Variants in TSBP1 observed in about 807,000 individuals in gnomAD.
The protein encoded by TSBP1 is testis expressed basic protein 1.
In TSBP1, 56 loss-of-function variants were observed where a neutral mutation model predicts 68.8. The observed-to-expected ratio is 0.81, with a 90% CI of 0.66 to 1.02. TSBP1 has a LOEUF of 1.02. Ranked by LOEUF, TSBP1 falls within the 50% of genes least tolerant of loss-of-function variation. The pLI is 0.00. For synonymous variants in TSBP1, 171 were observed against 208.7 expected (o/e 0.82, Z 1.56); for missense variants, 502 against 641.2 (o/e 0.78, Z 2.34).
chr6:32,295,179 T>C (rs910533088), intron 22 of TSBP1, among the ~76,000 whole-genome samples: 1 of 151,558 alleles, frequency 6.6e-6, no homozygotes, highest in South Asian at 2.1e-4. Context: ...CTACTAAAAA[T>C]ACAAAAATTA....
At chr6:32,300,597 C>T (rs1260221747) in intron 21 of TSBP1, 83 bp downstream of exon 24, 5 of 1,215,184 alleles carry the variant, frequency 4.1e-6, no homozygotes, top group Admixed American at 1.7e-5. Flanking sequence ...TAGAGGAACT[C>T]GTAACACAAG....
At position 32,316,725 on chromosome 6, in the gene TSBP1, C is replaced by T. The variant is rs1169288080; in HGVS notation, c.560-933G>A. Among the ~76,000 whole-genome samples the T allele has an allele frequency of 2.0e-5, 3 of 152,122 alleles. No homozygotes were observed. Among genetic ancestry groups the T allele is most frequent in the Non-Finnish European group, 4.4e-5 (3 of 68,030 alleles). ...TTGAAATCATGTAAATGTAAGCTTC[C>T]TTCTCAGGGAGAAGCTAGATTAGCA... On this transcript the variant is annotated intron_variant, in intron 18 of 22. Coordinates refer to ENST00000612031, the Ensembl canonical transcript of TSBP1. This position sits in a 1 kb window ranked among gnomAD's most constrained non-coding sequence, Gnocchi z 4.5.
chr6:32,299,846 G>A, intron 22 of TSBP1, 76 bp downstream of exon 25: 1 of 1,206,078 alleles, frequency 8.3e-7, no homozygotes, highest in East Asian at 2.3e-5. Flanking sequence ...TCTATTTTGG[G>A]AGTAGAAACA....
In TSBP1 at chr6:32,343,365, C is replaced by G. The variant is rs971135915; in HGVS notation, c.350-3727G>C. ...GTCCTCCCTCAGGTTATTAGACTTT[C>G]CATTCCCCTGTAGGTAGGCTCATAA... is the stretch of plus-strand genomic sequence containing the variant. On this transcript the variant is annotated intron_variant, in intron 9 of 22. Transcript: ENST00000612031. This position sits in a 1 kb window ranked among gnomAD's most constrained non-coding sequence, Gnocchi z 4.3. 1.6e-6 allele frequency: 1 copy of G among 607,462 alleles called. No individual in the cohort carries two copies. The highest frequency in any genetic ancestry group is 2.6e-6 in the Non-Finnish European group (1 of 388,028). 37.6% of individuals were successfully genotyped at this position (607,462 alleles called of 1,614,324 possible). A position where few individuals can be genotyped will look rare whatever the true frequency, so the allele number is the denominator to read the frequency against.
Position 32,325,884 on chromosome 6 carries a change from T to G in TSBP1, c.515-2270A>C. 4 of 1,492,678 alleles carry G rather than the reference T, an allele frequency of 2.7e-6. No homozygotes were observed. The highest frequency in any genetic ancestry group is 3.7e-6 in the Non-Finnish European group (4 of 1,084,508). 92.5% of individuals were successfully genotyped at this position (1,492,678 alleles called of 1,614,324 possible). On this transcript the variant is annotated intron_variant, in intron 16 of 22. Coordinates refer to ENST00000612031, the Ensembl canonical transcript of TSBP1. The surrounding 1 kb of genome is among the most constrained non-coding windows in gnomAD (Gnocchi z 4.4). ...ACTTTGATCATGGAGGAAACTTCAG[T>G]GGTTGTGGTGGCTTTGGTGGCAGCT...
At chr6:32,322,490 G>A (rs765224665) in intron 18 of TSBP1, 12 of 1,603,134 alleles carry the variant, frequency 7.5e-6, no homozygotes, top group African/African-American at 1.3e-5. Flanking sequence ...ACTTACTTGC[G>A]GTTCTCTGTG....
intron 19 of TSBP1, among the ~76,000 whole-genome samples, chr6:32,311,572 T>C (rs949570118): frequency 3.9e-5 from 6 of 152,166 alleles, no homozygotes; most frequent in Admixed American, 3.3e-4. Context: ...TCGCCGGCCT[T>C]GACATGATGG....
chr6:32,346,277 AGTGCTGGG>A, intron 9 of TSBP1, among the ~76,000 whole-genome samples: 2 of 9,362 alleles, frequency 2.1e-4, no homozygotes, highest in African/African-American at 2.8e-4. Flanking sequence ...GGCCTCCCAA[AGTGCTGGG>A]ATTACAGGCG....
chr6:32,297,735 T>C (rs1373263096), intron 22 of TSBP1, among the ~76,000 whole-genome samples: 2 of 152,178 alleles, frequency 1.3e-5, no homozygotes, highest in Non-Finnish European at 2.9e-5. Flanking sequence ...TCTTTGAACA[T>C]TGACTTAAAC....
chr6:32,301,025 C>A (rs1395529618), intron 20 of TSBP1, among the ~76,000 whole-genome samples: 1 of 143,892 alleles, frequency 6.9e-6, no homozygotes, highest in African/African-American at 2.6e-5. Flanking sequence ...GACATTGATA[C>A]GAATTTTTTT....
At chr6:32,367,827 G>T in intron 4 of TSBP1, 98 bp downstream of exon 4, 1 of 863,456 alleles carries the variant, frequency 1.2e-6, no homozygotes, top group Non-Finnish European at 1.8e-6. Context: ...CGAAAGATAT[G>T]CTGACTCAAC....
intron 16 of TSBP1, chr6:32,324,514 C>T (rs998920471): frequency 2.9e-6 from 3 of 1,040,888 alleles, no homozygotes; most frequent in Non-Finnish European, 4.4e-6. Context: ...ATGAATAATG[C>T]AGAGAGGTTT....
intron 1 of TSBP1, among the ~76,000 whole-genome samples, chr6:32,371,178 A>T (rs11964105): frequency 0.087 from 6,266 of 71,642 alleles, 366 homozygotes; most frequent in African/African-American, 0.2. Context: ...CTATTATGTG[A>T]ATTTTTTTTT....
rs187186057 is a variant in TSBP1, at chr6:32,328,864, C to T, written c.514+1725G>A. On this transcript the variant is annotated intron_variant, in intron 16 of 22. Coordinates refer to ENST00000612031, the Ensembl canonical transcript of TSBP1. ...CCATGCCTGGCCCTGGCCTCATTTT[C>T]TTTAGTCACTCTTGTTCACTAACCT... Among the ~76,000 whole-genome samples the T allele has an allele frequency of 6.7e-3, 1,017 of 152,212 alleles. 18 individuals carry two copies. The highest frequency in any genetic ancestry group is 0.02 in the East Asian group (101 of 5,172).
At chr6:32,303,148 C>T (rs1765467113) in intron 19 of TSBP1, among the ~76,000 whole-genome samples, 10 of 152,080 alleles carry the variant, frequency 6.6e-5, no homozygotes, top group Admixed American at 6.6e-4. Flanking sequence ...GGGTGGTTTA[C>T]TTGTTGTCTT....
rs1554185882 is a variant in TSBP1, at chr6:32,301,962, C to CATAATA, written c.601+646_601+647insTATTAT. Reference sequence around the variant, plus strand: ...TTTTACATATTTAAATAGTTGAAATCATCATCATAATAATAATAATAATAA... The same window carrying CATAATA: ...TTTTACATATTTAAATAGTTGAAATCATAATAATCATCATAATAATAATAATAATAA... On this transcript the variant is annotated intron_variant, in intron 20 of 22. Transcript: ENST00000612031. Among the ~76,000 whole-genome samples, 1,283 of 135,436 alleles carry CATAATA rather than the reference C, an allele frequency of 9.5e-3. 13 individuals carry two copies. The highest frequency in any genetic ancestry group is 0.027 in the African/African-American group (912 of 33,626). 88.9% of individuals were successfully genotyped at this position (135,436 alleles called of 152,430 possible). A position where few individuals can be genotyped will look rare whatever the true frequency, so the allele number is the denominator to read the frequency against.
chr6:32,313,688 A>C lies in TSBP1; in HGVS notation c.580+2084T>G, dbSNP rs144094035. 1.3e-3 allele frequency among the ~76,000 whole-genome samples: 192 copies of C among 150,234 alleles called. 2 individuals are homozygous for C. The highest frequency in any genetic ancestry group is 4.0e-3 in the Admixed American group (61 of 15,134). Reference sequence around the variant, plus strand: ...ATGATATAAATACCCTGGGTTGTGGATCCCTTCTTGGTGGCTATTGTCCTA... The same window carrying C: ...ATGATATAAATACCCTGGGTTGTGGCTCCCTTCTTGGTGGCTATTGTCCTA... On this transcript the variant is annotated intron_variant, in intron 19 of 22. Coordinates refer to ENST00000612031, the Ensembl canonical transcript of TSBP1.
At chr6:32,341,424 G>T (rs1770337231) in intron 9 of TSBP1, among the ~76,000 whole-genome samples, 1 of 152,118 alleles carries the variant, frequency 6.6e-6, no homozygotes, top group Non-Finnish European at 1.5e-5. Flanking sequence ...TCTCATGATT[G>T]TGAATCTGCT....
Position 32,325,117 on chromosome 6 carries a change from G to C in TSBP1, c.515-1503C>G, listed in dbSNP as rs1768076303. The C allele has an allele frequency of 2.1e-6, 1 of 467,948 alleles. No homozygotes were observed. The highest frequency in any genetic ancestry group is 3.7e-6 in the Non-Finnish European group (1 of 267,936). 29.0% of individuals were successfully genotyped at this position (467,948 alleles called of 1,614,324 possible). ...TCTCAGGTCTTTATTTTTTATGCGA[G>C]TCAGTGAATGTTCTAGAAACTTATT... is the stretch of plus-strand genomic sequence containing the variant. On this transcript the variant is annotated intron_variant, in intron 16 of 22. Transcript: ENST00000612031. The surrounding 1 kb of genome is among the most constrained non-coding windows in gnomAD (Gnocchi z 4.4).
Sources: allele counts gnomAD v4.1 joint callset (sites outside exome capture counted in the v4.1 genomes callset), GRCh38; gene constraint gnomAD v4.1.1; non-coding constraint Gnocchi (gnomAD v3.1); transcripts MANE v1.5; gene names NCBI Gene and HGNC (gene_info 2026-07-23, HGNC 2026-07-21).